AGBL1: variants seen among roughly 807,000 people sequenced by gnomAD.
AGBL1 encodes AGBL carboxypeptidase 1, also known as cytosolic carboxypeptidase 4.
A neutral mutation model predicts 118.9 loss-of-function variants in AGBL1; 130 were observed. That is an observed-to-expected ratio of 1.09 (90% CI 0.95 to 1.26). The LOEUF (loss-of-function observed/expected upper bound fraction) is 1.26. AGBL1 is among the 50% of genes most tolerant of loss of function. The pLI, the probability that AGBL1 is intolerant of heterozygous loss-of-function variation, is 0.00. For missense variants in AGBL1, 1,584 were observed against 1,298.1 expected (o/e 1.22, Z -3.38); for synonymous variants, 555 against 478.9 (o/e 1.16, Z -2.08).
chr15:86,670,030 CCATTA>C (rs2085712905), intron 21 of AGBL1, among the ~76,000 whole-genome samples: 1 of 152,046 alleles, frequency 6.6e-6, no homozygotes, highest in African/African-American at 2.4e-5. Flanking sequence ...CAAATTTATT[CCATTA>C]CAATTTCCTC....
intron 21 of AGBL1, among the ~76,000 whole-genome samples, chr15:86,575,104 G>A (rs893891538): frequency 2.3e-4 from 35 of 151,730 alleles, no homozygotes; most frequent in African/African-American, 7.0e-4. Context: ...CAGGAGAATC[G>A]CTTGAACCTG....
chr15:86,095,479 A>G (rs764838380), intron 1 of AGBL1, among the ~76,000 whole-genome samples: 9 of 152,078 alleles, frequency 5.9e-5, no homozygotes, highest in Non-Finnish European at 1.3e-4. Context: ...GGAGATTCCA[A>G]GGGTCTTAGA....
intron 22 of AGBL1, among the ~76,000 whole-genome samples, chr15:86,788,489 C>T (rs1252399792): frequency 6.6e-6 from 1 of 151,994 alleles, no homozygotes; most frequent in East Asian, 1.9e-4. Flanking sequence ...ATATTGGAGC[C>T]ATTGATTTCT....
At chr15:86,385,928 CCCCTCCCCTCCTCCTCT>C (rs2081177098) in intron 17 of AGBL1, among the ~76,000 whole-genome samples, 2 of 122,022 alleles carry the variant, frequency 1.6e-5, no homozygotes, top group Non-Finnish European at 3.5e-5. Flanking sequence ...CCTCCTCCTC[CCCCTCCCCTCCTCCTCT>C]CCTCTCCCCC....
At chr15:86,814,575 T>A (rs1470811) in intron 22 of AGBL1, among the ~76,000 whole-genome samples, 1 of 152,034 alleles carries the variant, frequency 6.6e-6, no homozygotes, top group East Asian at 1.9e-4. Flanking sequence ...CCATATTCCA[T>A]CAGGTAGAGA....
At chr15:86,515,465 A>T (rs1248210385) in intron 18 of AGBL1, among the ~76,000 whole-genome samples, 1 of 152,108 alleles carries the variant, frequency 6.6e-6, no homozygotes, top group East Asian at 1.9e-4. Context: ...GGAATTTTTC[A>T]AAGGTTTCTA....
chr15:86,796,040 A>G (rs577576784), intron 22 of AGBL1, among the ~76,000 whole-genome samples: 1 of 152,200 alleles, frequency 6.6e-6, no homozygotes, highest in African/African-American at 2.4e-5. Context: ...ACATGTGTCA[A>G]CCAACTAAAA....
intron 21 of AGBL1, among the ~76,000 whole-genome samples, chr15:86,672,432 C>T (rs2085762706): frequency 6.6e-6 from 1 of 152,184 alleles, no homozygotes; most frequent in African/African-American, 2.4e-5. Context: ...TGAATGACTC[C>T]TTCTTTTAAC....
At chr15:86,903,164 C>T (rs1222542347) in intron 22 of AGBL1, among the ~76,000 whole-genome samples, 1 of 151,884 alleles carries the variant, frequency 6.6e-6, no homozygotes, top group South Asian at 2.1e-4. Context: ...ATTCTTTCCT[C>T]TGCCTTCTCC....
At chr15:86,178,521 C>G (rs780122505) in intron 5 of AGBL1, among the ~76,000 whole-genome samples, 16 of 152,056 alleles carry the variant, frequency 1.1e-4, no homozygotes, top group Non-Finnish European at 1.6e-4. Context: ...ACATAACTAT[C>G]AAAGCTCACC....
At chr15:86,385,890 T>G (rs2141969362) in intron 17 of AGBL1, among the ~76,000 whole-genome samples, 1 of 151,774 alleles carries the variant, frequency 6.6e-6, no homozygotes, top group African/African-American at 2.4e-5. Context: ...TATCTGACTT[T>G]TAAAAATTAC....
intron 21 of AGBL1, among the ~76,000 whole-genome samples, chr15:86,663,037 G>A (rs986959043): frequency 6.6e-6 from 1 of 152,154 alleles, no homozygotes; most frequent in Non-Finnish European, 1.5e-5. Flanking sequence ...GTAAAGATTA[G>A]GATTGATATT....
At chr15:86,764,528 A>G (rs945101021) in intron 22 of AGBL1, among the ~76,000 whole-genome samples, 5 of 152,074 alleles carry the variant, frequency 3.3e-5, no homozygotes, top group African/African-American at 9.7e-5. Context: ...GGTTATATCT[A>G]TAAGATGGGC....
intron 18 of AGBL1, among the ~76,000 whole-genome samples, chr15:86,431,623 T>G (rs2142039566): frequency 6.6e-6 from 1 of 152,360 alleles, no homozygotes; most frequent in Admixed American, 6.5e-5. Context: ...GCTTTTATTT[T>G]ACTTTTTGTT....
intron 22 of AGBL1, among the ~76,000 whole-genome samples, chr15:86,813,211 C>G (rs79953527): frequency 4.6e-4 from 65 of 141,906 alleles, no homozygotes; most frequent in African/African-American, 1.6e-3. Flanking sequence ...GTTGGGGGGG[C>G]CTCAGGGGAT....
At chr15:86,978,246 A>G (rs2081194530) in intron 23 of AGBL1, among the ~76,000 whole-genome samples, 1 of 152,184 alleles carries the variant, frequency 6.6e-6, no homozygotes, top group African/African-American at 2.4e-5. Flanking sequence ...AAAAAAGAAT[A>G]CACTAAGGTT....
At chr15:86,956,277 A>G (rs545438976) in intron 23 of AGBL1, among the ~76,000 whole-genome samples, 2 of 152,128 alleles carry the variant, frequency 1.3e-5, no homozygotes, top group Non-Finnish European at 2.9e-5. Context: ...TAGATGATAG[A>G]GATGATGGAT....
intron 19 of AGBL1, among the ~76,000 whole-genome samples, chr15:86,538,068 A>G (rs2083449406): frequency 6.6e-6 from 1 of 152,210 alleles, no homozygotes; most frequent in Non-Finnish European, 1.5e-5. Context: ...AACGTCCTTC[A>G]GCATAAAGGG....
intron 22 of AGBL1, among the ~76,000 whole-genome samples, chr15:86,729,142 C>CT (rs1416973429): frequency 1.3e-5 from 2 of 152,162 alleles, no homozygotes; most frequent in African/African-American, 2.4e-5. Context: ...AGCTCTCTGT[C>CT]TTGCCAGGTC....
Sources: gnomAD v4.1 joint callset for allele counts (sites outside exome capture counted in the v4.1 genomes callset) on GRCh38, gnomAD v4.1.1 for gene constraint, MANE v1.5 for transcripts, NCBI Gene and HGNC (gene_info 2026-07-23, HGNC 2026-07-21) for gene names.